The following ATG7 variants were observed in gnomAD, a reference collection of about 807,000 sequenced individuals.
ATG7 encodes autophagy related 7.
In ATG7, 70 loss-of-function variants were observed where a neutral mutation model predicts 82.4. The observed-to-expected ratio is 0.85, with a 90% CI of 0.70 to 1.04. The LOEUF (loss-of-function observed/expected upper bound fraction) is 1.04. ATG7 is among the 50% of genes least tolerant of loss of function. ATG7 has a pLI of 0.00. For missense variants in ATG7, 792 were observed against 864.3 expected, an observed-to-expected ratio of 0.92 and a Z score of 1.05; for synonymous variants, 287 against 313.0, an observed-to-expected ratio of 0.92 and a Z score of 0.88.
intron 20 of ATG7, among the ~76,000 whole-genome samples, chr3:11,541,890 C>A (rs942396666): frequency 3.3e-5 from 5 of 152,254 alleles, no homozygotes; most frequent in Non-Finnish European, 7.3e-5. Context: ...ATCTCAATAA[C>A]CATTTCGTTT....
chr3:11,451,269 T>C (rs530302467), intron 20 of ATG7, among the ~76,000 whole-genome samples: 14 of 150,690 alleles, frequency 9.3e-5, no homozygotes, highest in African/African-American at 3.2e-4. Context: ...TGGAGTGTAG[T>C]GGCATGATCT....
At chr3:11,389,420 T>C (rs1350674198) in intron 19 of ATG7, among the ~76,000 whole-genome samples, 2 of 147,956 alleles carry the variant, frequency 1.4e-5, no homozygotes, top group African/African-American at 5.0e-5. Context: ...TCTTTCATTA[T>C]GAAAGTTTTG....
chr3:11,439,069 C>T (rs375160639), intron 20 of ATG7, among the ~76,000 whole-genome samples: 25 of 121,962 alleles, frequency 2.0e-4, no homozygotes, highest in South Asian at 1.3e-3. Flanking sequence ...TTCTTTCTTT[C>T]TTTTTTTTTT....
intron 19 of ATG7, among the ~76,000 whole-genome samples, chr3:11,381,300 A>AT (rs5846707): frequency 0.21 from 32,148 of 150,834 alleles, 3,796 homozygotes; most frequent in South Asian, 0.35. Context: ...AGTGGAGCAG[A>AT]TTTTTTTTTT....
the ATG7 span, among the ~76,000 whole-genome samples, chr3:11,564,204 C>T: frequency 1.3e-5 from 2 of 152,308 alleles, no homozygotes; most frequent in East Asian, 3.9e-4. Context: ...TTTGTTTCTA[C>T]CAAGCAAGCT....
chr3:11,359,875 A>G (rs1041141611), intron 15 of ATG7, among the ~76,000 whole-genome samples: 4 of 146,800 alleles, frequency 2.7e-5, no homozygotes, highest in Non-Finnish European at 6.1e-5. Context: ...CTATGTGAAC[A>G]TGACAGTATA....
intron 5 of ATG7, among the ~76,000 whole-genome samples, chr3:11,302,537 A>T (rs1483224881): frequency 6.6e-6 from 1 of 152,242 alleles, no homozygotes; most frequent in African/African-American, 2.4e-5. Context: ...CTTATGAAAT[A>T]TGTTCTCCAG....
rs10706428 is a variant in ATG7, at chr3:11,531,867, G to GA, written c.2080-22923dup. Reference sequence around the variant, plus strand: ...TGACAAGAGTGAGACCCTGTCTCAGGAAAAAAAAAAAAAAAAAAAAAGTCT... The same window carrying GA: ...TGACAAGAGTGAGACCCTGTCTCAGGAAAAAAAAAAAAAAAAAAAAAAGTCT... On this transcript the variant is annotated intron_variant, in intron 20 of 20. Coordinates refer to ENST00000693202, the MANE Select transcript of ATG7 (RefSeq NM_001349232.2). Among the ~76,000 whole-genome samples the GA allele has an allele frequency of 1.1e-3, 107 of 95,110 alleles. 1 individual carries two copies. The highest frequency in any genetic ancestry group is 5.7e-3 in the Middle Eastern group (1 of 176). 62.4% of individuals were successfully genotyped at this position (95,110 alleles called of 152,430 possible). A position where few individuals can be genotyped will look rare whatever the true frequency, so the allele number is the denominator to read the frequency against.
At chr3:11,390,157 T>A (rs982216463) in intron 19 of ATG7, among the ~76,000 whole-genome samples, 1 of 152,230 alleles carries the variant, frequency 6.6e-6, no homozygotes, top group African/African-American at 2.4e-5. Flanking sequence ...TTTATTTTGT[T>A]GCCTGAGTAA....
intron 9 of ATG7, among the ~76,000 whole-genome samples, chr3:11,316,017 C>T (rs748233584): frequency 2.2e-4 from 34 of 152,184 alleles, no homozygotes; most frequent in Non-Finnish European, 4.1e-4. Flanking sequence ...CTGTGCCCAG[C>T]CAATACCTTA....
intron 19 of ATG7, among the ~76,000 whole-genome samples, chr3:11,410,097 C>A (rs1015428427): frequency 6.6e-6 from 1 of 152,170 alleles, no homozygotes; most frequent in Non-Finnish European, 1.5e-5. Context: ...TTTATATCTA[C>A]ACAATACATT....
chr3:11,404,263 G>C (rs986113080), intron 19 of ATG7, among the ~76,000 whole-genome samples: 5 of 151,018 alleles, frequency 3.3e-5, no homozygotes, highest in African/African-American at 1.2e-4. Context: ...AGCCTCCCGA[G>C]TAGCTGGGAT....
At chr3:11,372,791 G>A (rs2077090304) in intron 18 of ATG7, among the ~76,000 whole-genome samples, 1 of 148,054 alleles carries the variant, frequency 6.8e-6, no homozygotes, top group Admixed American at 6.8e-5. Flanking sequence ...AAGTTGGTAG[G>A]TAAGGGCTGG....
At chr3:11,449,512 A>G (rs1332071812) in intron 20 of ATG7, among the ~76,000 whole-genome samples, 5 of 152,158 alleles carry the variant, frequency 3.3e-5, no homozygotes, top group Non-Finnish European at 5.9e-5. Flanking sequence ...AGAGAGTATG[A>G]TTGGTTTTAG....
rs1455791912 is a variant in ATG7 at position 11,388,446 on chromosome 3, T to G, written c.1956+8394T>G. Among the ~76,000 whole-genome samples, 3 of 151,586 alleles carry G rather than the reference T, an allele frequency of 2.0e-5. No homozygotes were observed. The East Asian group carries it at 5.8e-4, about 29-fold the overall frequency. Reference sequence around the variant, plus strand: ...TCATGTTCCTTCTTTTTTTTTTTTTTTTTAAGGAGTCTTGCTCTGTTGCTC... The same window carrying G: ...TCATGTTCCTTCTTTTTTTTTTTTTGTTTAAGGAGTCTTGCTCTGTTGCTC... On this transcript the variant is annotated intron_variant, in intron 19 of 20. Transcript: ENST00000693202.
intron 20 of ATG7, among the ~76,000 whole-genome samples, chr3:11,475,904 CACA>C (rs1228083029): frequency 5.3e-5 from 8 of 150,852 alleles, no homozygotes; most frequent in South Asian, 4.3e-4. Flanking sequence ...CACACACACA[CACA>C]CCCCCTCCCA....
chr3:11,545,778 C>T (rs1242214393), intron 20 of ATG7, among the ~76,000 whole-genome samples: 9 of 152,190 alleles, frequency 5.9e-5, no homozygotes, highest in African/African-American at 2.2e-4. Flanking sequence ...TCCTTTTTCT[C>T]CTCTAGTCCC....
intron 14 of ATG7, among the ~76,000 whole-genome samples, chr3:11,351,933 T>C (rs1290214592): frequency 6.6e-6 from 1 of 151,872 alleles, no homozygotes; most frequent in African/African-American, 2.4e-5. Flanking sequence ...ACATGTGCCA[T>C]GTTGGTGTGC....
chr3:11,462,807 A>G (rs1320186669), intron 20 of ATG7, among the ~76,000 whole-genome samples: 1 of 152,052 alleles, frequency 6.6e-6, no homozygotes, highest in African/African-American at 2.4e-5. Flanking sequence ...ATACATAAAT[A>G]TGTAACACAA....
Sources: gnomAD v4.1 joint callset for allele counts (sites outside exome capture counted in the v4.1 genomes callset) on GRCh38, gnomAD v4.1.1 for gene constraint, MANE v1.5 for transcripts, NCBI Gene and HGNC (gene_info 2026-07-23, HGNC 2026-07-21) for gene names.